NINJ2: variants seen among roughly 807,000 people sequenced by gnomAD.
The protein encoded by NINJ2 is ninjurin 2, also known as ninjurin-2.
Under a neutral mutation model 11.7 loss-of-function variants are expected in NINJ2, and 12 were observed. The ratio of observed to expected loss-of-function variants is 1.02; its 90% CI spans 0.66 to 1.66. NINJ2 has a LOEUF of 1.66. NINJ2 is among the 40% of genes most tolerant of loss of function. NINJ2 has a pLI of 0.00. For missense variants in NINJ2, 187 were observed against 181.8 expected (o/e 1.03, Z -0.16); for synonymous variants, 93 against 76.8 (o/e 1.21, Z -1.10).
rs1947613632 is a variant in NINJ2 at position 585,074 on chromosome 12, G to A, written c.34-18896C>T. ...GCGGAGGTTGAAGTGGGCTGAGATCGCGCCACTGCGCTCCAGCCTGGGAGA... is the reference window on the plus strand; with the variant it reads ...GCGGAGGTTGAAGTGGGCTGAGATCACGCCACTGCGCTCCAGCCTGGGAGA... On this transcript the variant is annotated intron_variant, in intron 1 of 3. Transcript: ENST00000305108. This position sits in a 1 kb window ranked among gnomAD's most constrained non-coding sequence, Gnocchi z 4.1. Among the ~76,000 whole-genome samples, 1 of 152,270 alleles carries A rather than the reference G, an allele frequency of 6.6e-6. No individual in the cohort carries two copies. The highest frequency in any genetic ancestry group is 2.4e-5 in the African/African-American group (1 of 41,478).
chr12:654,181 G>A lies in NINJ2; in HGVS notation c.33+9147C>T, dbSNP rs560469484. Among the ~76,000 whole-genome samples, 4 of 152,156 alleles carry A rather than the reference G, an allele frequency of 2.6e-5. No individual in the cohort carries two copies. In the East Asian group the frequency reaches 7.7e-4, roughly 29 times the overall value. ...CTGCACTCCAGCCTGGGTGATGGGT[G>A]ATAGAGTAAGACCTTGTATCAAACA... On this transcript the variant is annotated intron_variant, in intron 1 of 3. Transcript: ENST00000305108.
intron 1 of NINJ2, among the ~76,000 whole-genome samples, chr12:594,894 A>T (rs1947761814): frequency 6.6e-6 from 1 of 152,234 alleles, no homozygotes; most frequent in South Asian, 2.1e-4. Context: ...GGAAAAAAAT[A>T]AAGTCAGAGG....
At chr12:584,473 C>A (rs888397593) in intron 1 of NINJ2, among the ~76,000 whole-genome samples, 2 of 151,926 alleles carry the variant, frequency 1.3e-5, no homozygotes, top group South Asian at 2.1e-4. Flanking sequence ...GAGTTTGAGA[C>A]CAGCCTGGCC....
chr12:583,481 C>A (rs1947587978), intron 1 of NINJ2, among the ~76,000 whole-genome samples: 1 of 152,256 alleles, frequency 6.6e-6, no homozygotes, highest in Non-Finnish European at 1.5e-5. Context: ...TGGCACCTGC[C>A]GCCTCTGGGC....
At chr12:602,378 G>A (rs1947884469) in intron 1 of NINJ2, among the ~76,000 whole-genome samples, 1 of 152,166 alleles carries the variant, frequency 6.6e-6, no homozygotes, top group Non-Finnish European at 1.5e-5. Flanking sequence ...TCCTGTCAGT[G>A]GGATCACATA....
intron 1 of NINJ2, among the ~76,000 whole-genome samples, chr12:649,638 T>G (rs1937758463): frequency 6.6e-6 from 1 of 150,888 alleles, no homozygotes; most frequent in Admixed American, 6.6e-5. Flanking sequence ...TTTTCTATTC[T>G]AAATATAATA....
chr12:604,811 C>A (rs1488226998), intron 1 of NINJ2, among the ~76,000 whole-genome samples: 1 of 152,130 alleles, frequency 6.6e-6, no homozygotes, highest in East Asian at 1.9e-4. Flanking sequence ...CAGAGCAGTT[C>A]AACCCTCCGA....
intron 1 of NINJ2, among the ~76,000 whole-genome samples, chr12:608,995 T>A (rs1020870020): frequency 6.6e-6 from 1 of 152,142 alleles, no homozygotes; most frequent in African/African-American, 2.4e-5. Context: ...CACAGAAGAA[T>A]TCATGCACAT....
intron 1 of NINJ2, among the ~76,000 whole-genome samples, chr12:572,850 ATTTTTTTT>A (rs539715060): frequency 2.1e-5 from 2 of 96,166 alleles, no homozygotes; most frequent in East Asian, 3.0e-4. Flanking sequence ...AGAGCCTGTA[ATTTTTTTT>A]TTTTTTTTTT....
intron 1 of NINJ2, among the ~76,000 whole-genome samples, chr12:658,869 T>C (rs1937915322): frequency 6.6e-6 from 1 of 151,852 alleles, no homozygotes. Flanking sequence ...GGCTCATCGG[T>C]TGTAAAAAAA....
intron 1 of NINJ2, among the ~76,000 whole-genome samples, chr12:582,240 T>A (rs1290998849): frequency 6.6e-6 from 1 of 151,290 alleles, no homozygotes; most frequent in African/African-American, 2.4e-5. Context: ...CAGGAGTGAA[T>A]GAATGAATGG....
At chr12:610,345 C>T (rs1182220718) in intron 1 of NINJ2, 5 of 1,535,360 alleles carry the variant, frequency 3.3e-6, no homozygotes, top group Non-Finnish European at 3.5e-6. Context: ...GGCACACTTA[C>T]CATATACATC....
chr12:654,532 A>G (rs905441955), intron 1 of NINJ2, among the ~76,000 whole-genome samples: 1 of 151,990 alleles, frequency 6.6e-6, no homozygotes, highest in Non-Finnish European at 1.5e-5. Flanking sequence ...AAAAAAAAAA[A>G]AAAAAAAGAA....
intron 1 of NINJ2, among the ~76,000 whole-genome samples, chr12:621,105 G>T (rs941164782): frequency 1.2e-4 from 18 of 152,142 alleles, no homozygotes; most frequent in African/African-American, 4.3e-4. Flanking sequence ...TACTAGAAGA[G>T]GTTCCCCTGT....
chr12:625,185 T>G (rs1280022992), intron 1 of NINJ2, among the ~76,000 whole-genome samples: 1 of 152,006 alleles, frequency 6.6e-6, no homozygotes, highest in Non-Finnish European at 1.5e-5. Flanking sequence ...CAAGTGATAT[T>G]TAAGCTGGAC....
chr12:648,503 G>A (rs1284821321), intron 1 of NINJ2, among the ~76,000 whole-genome samples: 1 of 152,150 alleles, frequency 6.6e-6, no homozygotes, highest in Non-Finnish European at 1.5e-5. Context: ...TTAAAACAAG[G>A]GCTAGACCCG....
intron 1 of NINJ2, among the ~76,000 whole-genome samples, chr12:601,439 A>T (rs4639990): frequency 2.6e-4 from 39 of 150,496 alleles, no homozygotes; most frequent in African/African-American, 7.6e-4. Context: ...TCCCAGCTAC[A>T]GGGGAGGCTG....
At position 565,643 on chromosome 12, in the gene NINJ2, G is replaced by A. The variant is rs1947286291; in HGVS notation, c.263-242C>T. ...CTTAAGCTGGGTCCTGTAAGCGTGG[G>A]GACGAGTGCTCATGGAGAAGCGGTG... On this transcript the variant is annotated intron_variant, in intron 2 of 3. Transcript: ENST00000305108. The A allele has an allele frequency of 8.2e-6, 5 of 610,994 alleles. No individual in the cohort carries two copies. The East Asian group carries it at 1.1e-4, about 13-fold the overall frequency. The allele number at this position is 610,994 out of a possible 1,614,324, so 37.8% of individuals were successfully genotyped here. A position where few individuals can be genotyped will look rare whatever the true frequency, so the allele number is the denominator to read the frequency against.
At chr12:611,057 C>T (rs1420382896) in intron 1 of NINJ2, among the ~76,000 whole-genome samples, 2 of 152,166 alleles carry the variant, frequency 1.3e-5, no homozygotes, top group Admixed American at 6.5e-5. Context: ...CTTTAAAGAA[C>T]TCTGTGTTAC....
Sources: gnomAD v4.1 joint callset for allele counts (sites outside exome capture counted in the v4.1 genomes callset) on GRCh38, gnomAD v4.1.1 for gene constraint, Gnocchi (gnomAD v3.1) non-coding constraint, MANE v1.5 for transcripts, NCBI Gene and HGNC (gene_info 2026-07-23, HGNC 2026-07-21) for gene names.